The following SLC7A9 variants were observed in gnomAD, a reference collection of about 807,000 sequenced individuals.
SLC7A9 encodes the protein B(0,+)-type amino acid transporter 1.
SLC7A9 carries 38 observed loss-of-function variants against 54.1 expected under a neutral mutation model. That is an observed-to-expected ratio of 0.70 (90% confidence interval 0.54 to 0.92). The LOEUF is 0.92. SLC7A9 is among the 40% of genes least tolerant of loss of function. The pLI is 0.00. For missense variants in SLC7A9, 537 were observed against 636.1 expected, an observed-to-expected ratio of 0.84 and a Z score of 1.68; for synonymous variants, 264 against 258.9, an observed-to-expected ratio of 1.02 and a Z score of -0.19.
intron 10 of SLC7A9, 61 bp downstream of exon 10, chr19:32,843,794 G>A: frequency 7.8e-7 from 1 of 1,281,562 alleles, no homozygotes; most frequent in Non-Finnish European, 1.1e-6. Context: ...GCCGGGCTTA[G>A]CACCCCATGG....
At chr19:32,863,519 C>A (rs570541542) in intron 4 of SLC7A9, among the ~76,000 whole-genome samples, 182 of 152,180 alleles carry the variant, frequency 1.2e-3, no homozygotes, top group African/African-American at 4.2e-3. Context: ...GCCACCATAC[C>A]CGGCTAATGT....
intron 2 of SLC7A9, among the ~76,000 whole-genome samples, chr19:32,867,662 G>T (rs919980633): frequency 6.6e-6 from 1 of 151,846 alleles, no homozygotes; most frequent in Non-Finnish European, 1.5e-5. Context: ...AATAATATGC[G>T]GGCCGGGCAA....
intron 7 of SLC7A9, 121 bp from the exon 8 acceptor site, chr19:32,860,085 A>G (rs2145839225): frequency 1.3e-6 from 2 of 1,581,708 alleles, no homozygotes; most frequent in Non-Finnish European, 1.7e-6. Flanking sequence ...CAGCAGGAAC[A>G]TAAGACATTT....
At chr19:32,861,771 C>A (rs747799018) in intron 6 of SLC7A9, among the ~76,000 whole-genome samples, 2 of 152,092 alleles carry the variant, frequency 1.3e-5, no homozygotes, top group African/African-American at 2.4e-5. Context: ...GCTATGATCA[C>A]GCCATTGCAC....
intron 11 of SLC7A9, among the ~76,000 whole-genome samples, chr19:32,833,713 C>T (rs559672262): frequency 6.6e-6 from 1 of 152,008 alleles, no homozygotes; most frequent in East Asian, 1.9e-4. Flanking sequence ...AGGAGAGTCG[C>T]TTGAACCCAG....
intron 9 of SLC7A9, among the ~76,000 whole-genome samples, chr19:32,847,371 G>A (rs1372879512): frequency 6.6e-5 from 10 of 152,294 alleles, no homozygotes; most frequent in East Asian, 3.9e-4. Flanking sequence ...GCCAAGGCTC[G>A]AGAACTACGT....
chr19:32,864,972 A>G (rs1042050226), intron 2 of SLC7A9, among the ~76,000 whole-genome samples, 196 bp from the exon 3 acceptor site: 1 of 152,198 alleles, frequency 6.6e-6, no homozygotes, highest in African/African-American at 2.4e-5. Context: ...GTGATTAATT[A>G]TCGTGACAGC....
Position 32,833,273 on chromosome 19 carries a change from A to T in SLC7A9, c.1275T>A (p.Val425=). The T allele has an allele frequency of 1.2e-6, 2 of 1,614,228 alleles. No individual in the cohort carries two copies. Among genetic ancestry groups the T allele is most frequent in the Non-Finnish European group, 1.7e-6 (2 of 1,180,038 alleles). Residue 425 remains valine, a synonymous_variant, in exon 12 of 13, where the codon GTT becomes GTA. Coordinates refer to ENST00000023064, the MANE Select transcript of SLC7A9 (RefSeq NM_014270.5). Reference sequence around the variant, plus strand: ...TGGGCTTGCTGATGATTGGAGCCAGAACCAAAAACACAGAGATGAGTGTCA... The same window carrying T: ...TGGGCTTGCTGATGATTGGAGCCAGTACCAAAAACACAGAGATGAGTGTCA... The part of the protein sequence containing the change: ...VLMTLISVFL[V]LAPIISKPTW...
At chr19:32,842,087 A>G (rs1968142793) in intron 11 of SLC7A9, 81 bp downstream of exon 11, 1 of 1,366,248 alleles carries the variant, frequency 7.3e-7, no homozygotes, top group Non-Finnish European at 1.0e-6. Context: ...ACTAGAAGGC[A>G]TGCCCCTAGC....
chr19:32,831,198 C>CAAAAAAAAA (rs764102535), intron 12 of SLC7A9: 1 of 92,340 alleles, frequency 1.1e-5, no homozygotes, highest in Non-Finnish European at 2.3e-5. Context: ...ACTAAAAATA[C>CAAAAAAAAA]AAAAAAAAAA....
intron 9 of SLC7A9, among the ~76,000 whole-genome samples, chr19:32,844,606 G>A (rs1968226478): frequency 6.6e-6 from 1 of 152,066 alleles, no homozygotes; most frequent in Non-Finnish European, 1.5e-5. Flanking sequence ...GAGGCAGGTG[G>A]ATCGCCTGAA....
At chr19:32,847,982 A>ACTGCTTTACAGACAAGCAACTGCATCAAC (rs745641246) in intron 9 of SLC7A9, among the ~76,000 whole-genome samples, 2 of 151,936 alleles carry the variant, frequency 1.3e-5, no homozygotes, top group Non-Finnish European at 1.5e-5. Flanking sequence ...AGACAAGCAA[A>ACTGCTTTACAGACAAGCAACTGCATCAAC]TGCTGAGAGA....
At chr19:32,857,374 G>A (rs1186502742) in intron 9 of SLC7A9, among the ~76,000 whole-genome samples, 1 of 152,232 alleles carries the variant, frequency 6.6e-6, no homozygotes, top group Admixed American at 6.5e-5. Context: ...AGCCCAGGAG[G>A]TAGAGGCTAC....
At chr19:32,845,558 A>C (rs1968263898) in intron 9 of SLC7A9, among the ~76,000 whole-genome samples, 1 of 152,236 alleles carries the variant, frequency 6.6e-6, no homozygotes, top group South Asian at 2.1e-4. Flanking sequence ...GCAGACAAAA[A>C]TTGGCAAATC....
At position 32,867,532 on chromosome 19, in the gene SLC7A9, A is replaced by T. The variant is rs568165535; in HGVS notation, c.87+916T>A. Among the ~76,000 whole-genome samples, 60 of 151,930 alleles carry T rather than the reference A, an allele frequency of 3.9e-4. No homozygotes were observed. The East Asian group carries it at 4.9e-3, about 12-fold the overall frequency. On this transcript the variant is annotated intron_variant, in intron 2 of 12. Transcript: ENST00000023064. Reference sequence around the variant, plus strand: ...ACCCTGACTCTAAAAAAATTTTTTTAAAAATTTTTAAAAAGAACGCCCTTT... The same window carrying T: ...ACCCTGACTCTAAAAAAATTTTTTTTAAAATTTTTAAAAAGAACGCCCTTT...
At chr19:32,851,265 A>T (rs1968458328) in intron 9 of SLC7A9, among the ~76,000 whole-genome samples, 1 of 151,842 alleles carries the variant, frequency 6.6e-6, no homozygotes, top group African/African-American at 2.4e-5. Context: ...AAATTTTCGC[A>T]ACCTACTCAT....
rs548307459 is a variant in SLC7A9 at position 32,862,670 on chromosome 19, T to TG, written c.479-85_479-84insC. The TG allele has an allele frequency of 3.7e-4, 374 of 1,015,972 alleles. No individual in the cohort carries two copies. In the African/African-American group the frequency reaches 6.8e-3, roughly 18 times the overall value. The allele number at this position is 1,015,972 out of a possible 1,614,324, so 62.9% of individuals were successfully genotyped here. A position where few individuals can be genotyped will look rare whatever the true frequency, so the allele number is the denominator to read the frequency against. On this transcript the variant is annotated intron_variant, in intron 4 of 12. Coordinates refer to ENST00000023064, the MANE Select transcript of SLC7A9 (RefSeq NM_014270.5). ...CTCCTTTCTTTTATATATTTTTTAT[T>TG]TTTTTTTTTTTTTGAGATGGAGTCT...
intron 11 of SLC7A9, among the ~76,000 whole-genome samples, chr19:32,840,927 C>T (rs1968110421): frequency 6.6e-6 from 1 of 152,178 alleles, no homozygotes; most frequent in Admixed American, 6.5e-5. Context: ...ACAATGTTGG[C>T]TGAAGTGTTT....
chr19:32,831,967 T>TGTC (rs1967809436), intron 12 of SLC7A9, among the ~76,000 whole-genome samples: 1 of 152,242 alleles, frequency 6.6e-6, no homozygotes, highest in Non-Finnish European at 1.5e-5. Flanking sequence ...TTATGTTGTG[T>TGTC]GTCTTTCGCA....
Sources: allele counts gnomAD v4.1 joint callset (sites outside exome capture counted in the v4.1 genomes callset), GRCh38; gene constraint gnomAD v4.1.1; transcripts MANE v1.5; gene names NCBI Gene and HGNC (gene_info 2026-07-23, HGNC 2026-07-21).